KCNIP4: variants seen among roughly 807,000 people sequenced by gnomAD.
The protein encoded by KCNIP4 is Kv channel-interacting protein 4.
Under a neutral mutation model 34.0 loss-of-function variants are expected in KCNIP4, and 12 were observed. The ratio of observed to expected loss-of-function variants is 0.35; its 90% CI spans 0.23 to 0.57. KCNIP4 has a LOEUF of 0.57. Ranked by LOEUF, KCNIP4 falls within the 20% of genes least tolerant of loss-of-function variation. The pLI, the probability that KCNIP4 is intolerant of heterozygous loss-of-function variation, is 0.83. For missense variants in KCNIP4, 238 were observed against 311.7 expected, an observed-to-expected ratio of 0.76 and a Z score of 1.78; for synonymous variants, 124 against 102.2, an observed-to-expected ratio of 1.21 and a Z score of -1.29.
At chr4:21,925,255 C>T (rs184083834) in intron 1 of KCNIP4, among the ~76,000 whole-genome samples, 1 of 142,424 alleles carries the variant, frequency 7.0e-6, no homozygotes, top group Non-Finnish European at 1.5e-5. Context: ...CACAACAGTC[C>T]CTGGTGTGTG....
intron 1 of KCNIP4, among the ~76,000 whole-genome samples, chr4:21,060,795 A>T (rs909461461): frequency 2.0e-5 from 3 of 152,194 alleles, no homozygotes; most frequent in Non-Finnish European, 4.4e-5. Context: ...TGTTTGAAAG[A>T]AAACTTCTCA....
At chr4:20,893,228 G>C (rs1179812916) in intron 1 of KCNIP4, among the ~76,000 whole-genome samples, 1 of 152,096 alleles carries the variant, frequency 6.6e-6, no homozygotes, top group Non-Finnish European at 1.5e-5. Flanking sequence ...TTTAAAAAAT[G>C]GTGTTTTAAG....
chr4:21,222,792 AT>A (rs1178160870), intron 1 of KCNIP4, among the ~76,000 whole-genome samples: 2 of 152,070 alleles, frequency 1.3e-5, no homozygotes, highest in South Asian at 2.1e-4. Context: ...GTGGTTGTAC[AT>A]TTTTTATGCC....
chr4:21,646,513 C>T (rs547902112), intron 1 of KCNIP4, among the ~76,000 whole-genome samples: 130 of 152,306 alleles, frequency 8.5e-4, no homozygotes, highest in Non-Finnish European at 1.7e-3. Flanking sequence ...TAGAATAGCG[C>T]TAAACCAAAA....
intron 1 of KCNIP4, among the ~76,000 whole-genome samples, chr4:21,534,260 T>C (rs978322492): frequency 3.3e-5 from 5 of 152,152 alleles, no homozygotes; most frequent in African/African-American, 1.2e-4. Flanking sequence ...GTGGAACACA[T>C]GGGGAGATCG....
At position 21,144,166 on chromosome 4, in the gene KCNIP4, G is replaced by A. The variant is rs574351361; in HGVS notation, c.62-261457C>T. On this transcript the variant is annotated intron_variant, in intron 1 of 8. Transcript: ENST00000382152. ...GAAATACAACCCCCTTCTGCCCCATGCAATAAACCAGTATTATATTTGTCA... is the reference window on the plus strand; with the variant it reads ...GAAATACAACCCCCTTCTGCCCCATACAATAAACCAGTATTATATTTGTCA... Among the ~76,000 whole-genome samples the A allele has an allele frequency of 1.8e-3, 276 of 152,224 alleles. 1 individual carries two copies. Among genetic ancestry groups the A allele is most frequent in the African/African-American group, 6.3e-3 (262 of 41,526 alleles).
At chr4:21,909,331 G>C (rs1398843283) in intron 1 of KCNIP4, among the ~76,000 whole-genome samples, 2 of 151,930 alleles carry the variant, frequency 1.3e-5, no homozygotes, top group South Asian at 2.1e-4. Context: ...GTCAGCCCAG[G>C]CTTCTCCCCC....
At chr4:21,614,014 G>T (rs1744391504) in intron 1 of KCNIP4, among the ~76,000 whole-genome samples, 1 of 151,822 alleles carries the variant, frequency 6.6e-6, no homozygotes, top group Non-Finnish European at 1.5e-5. Flanking sequence ...AGCCAGGCGT[G>T]GTAGCATGCA....
rs1751716076 is a variant in KCNIP4 at position 21,138,861 on chromosome 4, TGGAGA to T, written c.62-256157_62-256153del. 5.9e-5 allele frequency among the ~76,000 whole-genome samples: 9 copies of T among 152,234 alleles called. No individual in the cohort carries two copies. In the South Asian group the frequency reaches 1.7e-3, roughly 28 times the overall value. ...TCATGAGGCAGGAGTGCGGGCAGCC[TGGAGA>T]GGATGGGAAAGGCAAGACGGATTCT... On this transcript the variant is annotated intron_variant, in intron 1 of 8. Coordinates refer to ENST00000382152, the MANE Select transcript of KCNIP4 (RefSeq NM_025221.6).
At chr4:21,352,752 T>C (rs978949574) in intron 1 of KCNIP4, among the ~76,000 whole-genome samples, 1 of 152,228 alleles carries the variant, frequency 6.6e-6, no homozygotes, top group Admixed American at 6.5e-5. Context: ...CATCCCCGTC[T>C]GACAGCTCTG....
intron 1 of KCNIP4, among the ~76,000 whole-genome samples, chr4:21,742,049 CAAACAAACAA>C (rs1483113053): frequency 2.0e-5 from 3 of 152,014 alleles, no homozygotes; most frequent in Non-Finnish European, 2.9e-5. Flanking sequence ...AATAAACAAA[CAAACAAACAA>C]AAACAAACAA....
Position 20,868,682 on chromosome 4 carries a change from C to T in KCNIP4, c.163+13926G>A, listed in dbSNP as rs545851256. ...CATTAAAAAAGAAGGAAATCTTGTC[C>T]TTTCAGCAACATGAATAGGGCTGGA... On this transcript the variant is annotated intron_variant, in intron 2 of 8. Transcript: ENST00000382152. Among the ~76,000 whole-genome samples, 6 of 152,158 alleles carry T rather than the reference C, an allele frequency of 3.9e-5. 1 individual carries two copies. The South Asian group carries it at 1.2e-3, about 32-fold the overall frequency.
chr4:21,085,238 C>A (rs1746317374), intron 1 of KCNIP4, among the ~76,000 whole-genome samples: 1 of 152,088 alleles, frequency 6.6e-6, no homozygotes, highest in Non-Finnish European at 1.5e-5. Context: ...TCTCTCTCTG[C>A]CAGTTGGCCA....
At chr4:21,248,310 C>G (rs28549829) in intron 1 of KCNIP4, among the ~76,000 whole-genome samples, 78,961 of 151,644 alleles carry the variant, frequency 0.52, 23,152 homozygotes, top group African/African-American at 0.81. Context: ...CTTGGTTGCT[C>G]GCCTGAGAGA....
chr4:21,575,997 G>A (rs143548164), intron 1 of KCNIP4, among the ~76,000 whole-genome samples: 102 of 152,168 alleles, frequency 6.7e-4, no homozygotes, highest in African/African-American at 2.2e-3. Context: ...ATTCATTTGC[G>A]TATACTTCTT....
intron 1 of KCNIP4, among the ~76,000 whole-genome samples, chr4:21,093,039 T>G (rs1316210397): frequency 1.3e-5 from 2 of 152,180 alleles, no homozygotes; most frequent in Non-Finnish European, 2.9e-5. Context: ...TAAAGATAAA[T>G]AATTTAAAAG....
At chr4:21,431,148 G>A (rs749661047) in intron 1 of KCNIP4, among the ~76,000 whole-genome samples, 37 of 151,532 alleles carry the variant, frequency 2.4e-4, no homozygotes, top group Non-Finnish European at 4.6e-4. Context: ...CGAAGGAGAA[G>A]GGCAAGGATA....
chr4:20,751,098 A>G (rs1753535892), intron 4 of KCNIP4, among the ~76,000 whole-genome samples: 1 of 152,164 alleles, frequency 6.6e-6, no homozygotes. Context: ...AAGGCTATAC[A>G]TTTCATGAGG....
chr4:21,247,665 A>ATATATCTATATATAGATATATT (rs1345834136), intron 1 of KCNIP4, among the ~76,000 whole-genome samples: 7,385 of 132,908 alleles, frequency 0.056, 1,037 homozygotes, highest in African/African-American at 0.23. Context: ...ATATATTTAG[A>ATATATCTATATATAGATATATT]TATATCTATA....
Sources: gnomAD v4.1 joint callset for allele counts (sites outside exome capture counted in the v4.1 genomes callset) on GRCh38, gnomAD v4.1.1 for gene constraint, MANE v1.5 for transcripts, NCBI Gene and HGNC (gene_info 2026-07-23, HGNC 2026-07-21) for gene names.